Variants in CPAMD8 observed in about 807,000 individuals in gnomAD.
CPAMD8 encodes the protein C3 and PZP-like alpha-2-macroglobulin domain-containing protein 8.
Under a neutral mutation model 224.7 loss-of-function variants are expected in CPAMD8, and 146 were observed. The ratio of observed to expected loss-of-function variants is 0.65; its 90% CI spans 0.57 to 0.75. The LOEUF (loss-of-function observed/expected upper bound fraction) is 0.75, where lower values mean the gene tolerates loss of function less well. Ranked by LOEUF, CPAMD8 falls within the 30% of genes least tolerant of loss-of-function variation. The pLI is 0.00. For missense variants in CPAMD8, 2,301 were observed against 2,537.5 expected (o/e 0.91, Z 2.00); for synonymous variants, 966 against 1,044.6 (o/e 0.92, Z 1.45).
intron 26 of CPAMD8, 51 bp downstream of exon 26, chr19:16,925,145 G>A: frequency 6.3e-7 from 1 of 1,598,646 alleles, no homozygotes; most frequent in Non-Finnish European, 8.6e-7. Context: ...ACTGAAGGCT[G>A]AACCTGCCTC....
chr19:16,896,954 T>A, intron 39 of CPAMD8: 1 of 286,890 alleles, frequency 3.5e-6, no homozygotes, highest in Non-Finnish European at 6.5e-6. Context: ...CCCCGTCCCC[T>A]GCCGCGCCTC....
In CPAMD8 at chr19:17,026,762, C is replaced by T; in HGVS notation, c.-120G>A. 11 of 1,178,830 alleles carry T rather than the reference C, an allele frequency of 9.3e-6. No individual in the cohort carries two copies. The South Asian group carries it at 2.8e-4, about 30-fold the overall frequency. 73.0% of individuals were successfully genotyped at this position (1,178,830 alleles called of 1,614,324 possible). A position where few individuals can be genotyped will look rare whatever the true frequency, so the allele number is the denominator to read the frequency against. On this transcript the variant is annotated 5_prime_UTR_variant, in exon 1 of 42. Transcript: ENST00000443236. The stretch of plus-strand genomic sequence containing the variant: ...CCGGGGGCCCTTTGTTCGCAGCCCC[C>T]GCGCAGTGCGCCCGGCGCCATGCGC...
intron 19 of CPAMD8, 48 bp from the exon 20 acceptor site, chr19:16,952,248 T>C: frequency 9.2e-7 from 1 of 1,091,908 alleles, no homozygotes; most frequent in African/African-American, 1.6e-5. Context: ...TCCAGGGCCA[T>C]GCCTCAGGGG....
At position 16,899,437 on chromosome 19, in the gene CPAMD8, C is replaced by G; in HGVS notation, c.4848+38G>C. ...CGGTGCACCCTCACCAACATGCACA[C>G]CAGGGAAGCCTCCTCCACCAACCCC... On this transcript the variant is annotated intron_variant, in intron 37 of 41. Coordinates refer to ENST00000443236, the MANE Select transcript of CPAMD8 (RefSeq NM_015692.5). The surrounding 1 kb of genome is among the most constrained non-coding windows in gnomAD (Gnocchi z 5.4). The G allele has an allele frequency of 1.0e-6, 1 of 961,106 alleles. No homozygotes were observed. Among genetic ancestry groups the G allele is most frequent in the Non-Finnish European group, 1.7e-6 (1 of 584,412 alleles). The allele number at this position is 961,106 out of a possible 1,614,324, so 59.5% of individuals were successfully genotyped here. A position where few individuals can be genotyped will look rare whatever the true frequency, so the allele number is the denominator to read the frequency against.
At chr19:16,967,918 C>CACACATGTGTGTATATATGTGCATATAT (rs2054909043) in intron 18 of CPAMD8, among the ~76,000 whole-genome samples, 1 of 147,324 alleles carries the variant, frequency 6.8e-6, no homozygotes, top group African/African-American at 2.6e-5. Flanking sequence ...TGCATATATA[C>CACACATGTGTGTATATATGTGCATATAT]ACACACATGT....
At position 16,929,086 on chromosome 19, in the gene CPAMD8, G is replaced by A. The variant is rs267605340; in HGVS notation, c.3000C>T (p.Ile1000=). The change falls in exon 24 of 42, where the codon ATC becomes ATT. Residue 1000 remains isoleucine (I), a synonymous_variant. Coordinates refer to ENST00000443236, the MANE Select transcript of CPAMD8 (RefSeq NM_015692.5). ...TGGTGTTCTGATGCCCCCCCAGGAC[G>A]ATCTCGATCATGCCTGCTGTGTCCT... The part of the protein sequence containing the change: ...GPQDTAGMIE[I]VLGGHQNTRS... 5.0e-6 allele frequency: 8 copies of A among 1,614,028 alleles called. No homozygotes were observed. Among genetic ancestry groups the A allele is most frequent in the East Asian group, 4.5e-5 (2 of 44,888 alleles).
At chr19:16,947,315 G>A in intron 20 of CPAMD8, 88 bp from the exon 21 acceptor site, 1 of 1,456,108 alleles carries the variant, frequency 6.9e-7, no homozygotes, top group South Asian at 1.3e-5. Flanking sequence ...ACCACTCACT[G>A]CACACACCAG....
chr19:16,918,184 G>A (rs1353308535), intron 27 of CPAMD8, among the ~76,000 whole-genome samples: 4 of 152,036 alleles, frequency 2.6e-5, no homozygotes, highest in African/African-American at 7.2e-5. Flanking sequence ...GAGTAGAGAC[G>A]GGGTTTCGCC....
chr19:16,901,319 G>C (rs750193442), intron 35 of CPAMD8, 22 bp from the exon 36 acceptor site: 2 of 1,526,646 alleles, frequency 1.3e-6, no homozygotes, highest in Admixed American at 1.7e-5. Flanking sequence ...AGGGGAGAGA[G>C]AGAGGCCCTA....
At chr19:16,945,021 C>T (rs919233455) in intron 22 of CPAMD8, among the ~76,000 whole-genome samples, 12 of 152,164 alleles carry the variant, frequency 7.9e-5, no homozygotes, top group Admixed American at 2.0e-4. Context: ...CTTCCCACCC[C>T]ATCTTATGAA....
intron 20 of CPAMD8, among the ~76,000 whole-genome samples, chr19:16,948,113 G>A (rs191136925): frequency 3.0e-4 from 45 of 152,326 alleles, no homozygotes; most frequent in Admixed American, 2.0e-3. Context: ...ATGCAAGCAC[G>A]TTTGCAACCC....
intron 22 of CPAMD8, among the ~76,000 whole-genome samples, chr19:16,940,498 G>A (rs547345628): frequency 6.6e-6 from 1 of 152,128 alleles, no homozygotes; most frequent in South Asian, 2.1e-4. Context: ...ACCTTGTGAC[G>A]GGGTTATCAT....
At chr19:16,906,081 C>T (rs1355496336) in intron 30 of CPAMD8, among the ~76,000 whole-genome samples, 1 of 152,154 alleles carries the variant, frequency 6.6e-6, no homozygotes. Flanking sequence ...TCTCTGAGAA[C>T]TCCCCTTCCA....
chr19:16,942,011 A>G (rs1440531944), intron 22 of CPAMD8, among the ~76,000 whole-genome samples: 1 of 149,928 alleles, frequency 6.7e-6, no homozygotes, highest in Non-Finnish European at 1.5e-5. Flanking sequence ...ACTGTGAAGC[A>G]CCTCCCCTTC....
At chr19:16,975,361 G>T (rs79843187) in intron 16 of CPAMD8, 103 bp from the exon 17 acceptor site, 2 of 883,392 alleles carry the variant, frequency 2.3e-6, no homozygotes, top group Non-Finnish European at 3.6e-6. Flanking sequence ...TCTTTATCAC[G>T]TCATGACAAC....
Position 16,951,989 on chromosome 19 carries a change from A to G in CPAMD8, c.2488T>C (p.Tyr830His). The G allele has an allele frequency of 1.3e-6, 2 of 1,574,472 alleles. No individual in the cohort carries two copies. Among genetic ancestry groups the G allele is most frequent in the Non-Finnish European group, 1.7e-6 (2 of 1,158,620 alleles). ...QVKIPLSVYN[Y>H]MGTCAEVYMK... ...AGTACCTCAGCGCAGGTGCCCATGTAGTTGTAGACACTGAGCGGGATCTTG... is the reference window on the plus strand; with the variant it reads ...AGTACCTCAGCGCAGGTGCCCATGTGGTTGTAGACACTGAGCGGGATCTTG... The change falls in exon 20 of 42, where the codon TAC becomes CAC. Residue 830 changes from tyrosine to histidine, a missense_variant. Around this residue, in one of 4 missense-constraint regions of CPAMD8, gnomAD observed 1,709 missense variants for 1,753.2 expected, o/e 0.97. Transcript: ENST00000443236.
At position 16,926,304 on chromosome 19, in the gene CPAMD8, C is replaced by CTTTAT. The variant is rs559214843; in HGVS notation, c.3371-937_3371-933dup. ...TCCCCTGAACACACCTTCTTTCCTT[C>CTTTAT]TTTATTTTATTTTATTTTATTTTAT... On this transcript the variant is annotated intron_variant, in intron 25 of 41. Coordinates refer to ENST00000443236, the MANE Select transcript of CPAMD8 (RefSeq NM_015692.5). Among the ~76,000 whole-genome samples the CTTTAT allele has an allele frequency of 1.6e-3, 235 of 150,552 alleles. 2 individuals carry two copies. Among genetic ancestry groups the CTTTAT allele is most frequent in the East Asian group, 7.0e-3 (36 of 5,138 alleles).
intron 8 of CPAMD8, among the ~76,000 whole-genome samples, chr19:17,003,606 C>T (rs1239803025): frequency 1.3e-5 from 2 of 151,430 alleles, no homozygotes; most frequent in East Asian, 2.1e-4. Context: ...CATGACGAAA[C>T]CCTGTCTCTA....
At chr19:16,999,919 C>A (rs1599878458) in intron 10 of CPAMD8, among the ~76,000 whole-genome samples, 1 of 152,098 alleles carries the variant, frequency 6.6e-6, no homozygotes, top group East Asian at 1.9e-4. Flanking sequence ...CTCAAGTGAT[C>A]CGCCCGCCTT....
Sources: allele counts gnomAD v4.1 joint callset (sites outside exome capture counted in the v4.1 genomes callset), GRCh38; gene constraint gnomAD v4.1.1; regional missense constraint gnomAD v4.1.1; non-coding constraint Gnocchi (gnomAD v3.1); transcripts MANE v1.5; gene names NCBI Gene and HGNC (gene_info 2026-07-23, HGNC 2026-07-21).